Variants in DYNLT2 observed in about 807,000 individuals in gnomAD.
DYNLT2 encodes the protein dynein light chain Tctex-type 2, also known as dynein light chain Tctex-type protein 2.
A neutral mutation model predicts 24.3 loss-of-function variants in DYNLT2; 24 were observed. The ratio of observed to expected loss-of-function variants is 0.99; its 90% CI spans 0.71 to 1.39. DYNLT2 has a LOEUF of 1.39. Among genes scored for constraint, DYNLT2 ranks in the 40% most tolerant of loss-of-function variants. The pLI is 0.00. For synonymous variants in DYNLT2, 85 were observed against 85.4 expected (o/e 1.00, Z 0.03); for missense variants, 246 against 234.5 (o/e 1.05, Z -0.32).
rs1789744994 is a variant in DYNLT2, at chr6:169,744,264, A to C, written c.131T>G (p.Ile44Ser). 1 of 1,613,100 alleles carries C rather than the reference A, an allele frequency of 6.2e-7. No homozygotes were observed. The highest frequency in any genetic ancestry group is 1.1e-5 in the South Asian group (1 of 91,038). The change falls in exon 2 of 4, where the codon ATT (isoleucine) becomes AGT (serine). Residue 44 changes from isoleucine to serine, a missense_variant. Ile to Ser is a moderately radical substitution (Grantham distance 142). Coordinates refer to ENST00000366774, the MANE Select transcript of DYNLT2 (RefSeq NM_174910.3). ...SMFEKEAYTQ[I>S]LRERLRESIH... ...TGACTCTCTCAGTCTTTCTCTTAAA[A>C]TCTGTGTATACTGGAGGAGAAAGAG...
chr6:169,732,240 T>C, the DYNLT2 span, among the ~76,000 whole-genome samples: 1 of 152,342 alleles, frequency 6.6e-6, no homozygotes, highest in South Asian at 2.1e-4. Context: ...TGATATATAG[T>C]TGCCAGAAGG....
chr6:169,726,200 A>G, the DYNLT2 span, among the ~76,000 whole-genome samples: 1,991 of 152,358 alleles, frequency 0.013, 28 homozygotes, highest in Middle Eastern at 0.054. Context: ...AATATTAAGG[A>G]GACACTGTAT....
Position 169,743,077 on chromosome 6 carries a change from T to TA in DYNLT2, c.486+2dup, listed in dbSNP as rs1562996351. The TA allele has an allele frequency of 3.2e-6, 5 of 1,540,988 alleles. No homozygotes were observed. The highest frequency in any genetic ancestry group is 4.4e-6 in the Non-Finnish European group (5 of 1,135,486). ...CTAGATCCTGTATCAATGGGGTACTTACATTTATTGCTTGGCCAGTCTTTT... is the reference window on the plus strand; with the variant it reads ...CTAGATCCTGTATCAATGGGGTACTTAACATTTATTGCTTGGCCAGTCTTTT... On this transcript the variant is annotated splice_region_variant and intron_variant, in intron 3 of 3. Transcript: ENST00000366774.
At chr6:169,740,772 C>G (rs1252086402) in intron 3 of DYNLT2, among the ~76,000 whole-genome samples, 5 of 151,886 alleles carry the variant, frequency 3.3e-5, no homozygotes, top group African/African-American at 1.2e-4. Flanking sequence ...TGATCTGATT[C>G]CAGCCCACTT....
the DYNLT2 span, among the ~76,000 whole-genome samples, chr6:169,732,150 T>C: frequency 6.6e-6 from 1 of 152,184 alleles, no homozygotes; most frequent in South Asian, 2.1e-4. Flanking sequence ...ACAACTATCA[T>C]GTATATTCTC....
chr6:169,748,085 A>G (rs1287650621), intron 1 of DYNLT2, among the ~76,000 whole-genome samples: 1 of 152,150 alleles, frequency 6.6e-6, no homozygotes, highest in Non-Finnish European at 1.5e-5. Flanking sequence ...TCTGGTGGGA[A>G]CATGTCCAAG....
downstream of DYNLT2, among the ~76,000 whole-genome samples, chr6:169,735,669 C>A (rs1789546696): frequency 6.6e-6 from 1 of 152,072 alleles, no homozygotes; most frequent in Non-Finnish European, 1.5e-5. Context: ...GATTTCAGTT[C>A]TTTTGCATTT....
At chr6:169,726,503 C>G in the DYNLT2 span, among the ~76,000 whole-genome samples, 1 of 152,112 alleles carries the variant, frequency 6.6e-6, no homozygotes, top group Non-Finnish European at 1.5e-5. Context: ...ATCAATCGTT[C>G]CAGTTTGGCA....
chr6:169,731,374 GA>G, the DYNLT2 span, among the ~76,000 whole-genome samples: 1 of 152,164 alleles, frequency 6.6e-6, no homozygotes, highest in African/African-American at 2.4e-5. Flanking sequence ...TTGAGGCAAA[GA>G]CTGATACAAA....
chr6:169,736,261 C>T (rs12110573), downstream of DYNLT2, among the ~76,000 whole-genome samples: 1,223 of 151,982 alleles, frequency 8.0e-3, 19 homozygotes, highest in African/African-American at 0.028. Flanking sequence ...GGTGTTGACT[C>T]GTTATCCAAT....
At chr6:169,734,033 C>T in the DYNLT2 span, among the ~76,000 whole-genome samples, 3 of 152,022 alleles carry the variant, frequency 2.0e-5, no homozygotes, top group Admixed American at 1.3e-4. Context: ...GTATTTTATT[C>T]TCTTTGTAGT....
At chr6:169,738,922 A>G (rs1414227281), downstream of DYNLT2, 1 of 152,170 alleles carries the variant, frequency 6.6e-6, no homozygotes, top group Non-Finnish European at 1.5e-5. Context: ...TTCAGGCAGG[A>G]ATCATATTTC....
Position 169,740,123 on chromosome 6 carries a change from A to T in DYNLT2, c.*62T>A. On this transcript the variant is annotated 3_prime_UTR_variant, in exon 4 of 4. Coordinates refer to ENST00000366774, the MANE Select transcript of DYNLT2 (RefSeq NM_174910.3). ...CAGAAATATTATGAGGTTTACAAAT[A>T]TGTAAATTTCATTTATTTTTGAAAA... The T allele has an allele frequency of 9.4e-7, 1 of 1,069,256 alleles. No homozygotes were observed. The highest frequency in any genetic ancestry group is 1.4e-6 in the Non-Finnish European group (1 of 697,336). 66.2% of individuals were successfully genotyped at this position (1,069,256 alleles called of 1,614,324 possible).
intron 2 of DYNLT2, 125 bp downstream of exon 2, chr6:169,743,929 CACCAATGACACAAT>C: frequency 5.2e-6 from 4 of 768,168 alleles, no homozygotes; most frequent in Non-Finnish European, 8.3e-6. Context: ...GTTGTGCCTG[CACCAATGACACAAT>C]ACCTTCTGGT....
chr6:169,743,171 C>G lies in DYNLT2; in HGVS notation c.395G>C (p.Arg132Pro). 1 of 1,572,052 alleles carries G rather than the reference C, an allele frequency of 6.4e-7. No individual in the cohort carries two copies. The highest frequency in any genetic ancestry group is 8.7e-7 in the Non-Finnish European group (1 of 1,152,550). ...AAATTCTTTGACTGCTAACAGTATG[C>G]GGTCTGCCAATTCAAGTGACAAGTG... is the stretch of plus-strand genomic sequence containing the variant. The part of the protein sequence containing the change: ...FSHLSLELAD[R>P]ILLAVKEFGY... The change falls in exon 3 of 4, where the codon CGC becomes CCC. Residue 132 changes from arginine to proline, a missense_variant. Transcript: ENST00000366774.
chr6:169,739,087 T>G (rs1789621022), downstream of DYNLT2: 1 of 152,120 alleles, frequency 6.6e-6, no homozygotes, highest in South Asian at 2.1e-4. Context: ...TTGTTTTCAG[T>G]TCTGGTTGTA....
At chr6:169,733,146 T>C in the DYNLT2 span, among the ~76,000 whole-genome samples, 1 of 152,114 alleles carries the variant, frequency 6.6e-6, no homozygotes, top group East Asian at 1.9e-4. Flanking sequence ...TTTTTTTTCT[T>C]GTAAATATGT....
chr6:169,735,245 T>A (rs542332527), downstream of DYNLT2, among the ~76,000 whole-genome samples: 1 of 152,282 alleles, frequency 6.6e-6, no homozygotes, highest in Admixed American at 6.5e-5. Context: ...GCTCCTGGAT[T>A]CATGGATTTT....
chr6:169,743,076 T>A lies in DYNLT2; in HGVS notation c.486+4A>T. Reference sequence around the variant, plus strand: ...GCTAGATCCTGTATCAATGGGGTACTTACATTTATTGCTTGGCCAGTCTTT... The same window carrying A: ...GCTAGATCCTGTATCAATGGGGTACATACATTTATTGCTTGGCCAGTCTTT... On this transcript the variant is annotated splice_donor_region_variant and intron_variant, in intron 3 of 3. Coordinates refer to ENST00000366774, the MANE Select transcript of DYNLT2 (RefSeq NM_174910.3). 2.6e-6 allele frequency: 4 copies of A among 1,540,664 alleles called. No individual in the cohort carries two copies. Among genetic ancestry groups the A allele is most frequent in the Non-Finnish European group, 3.5e-6 (4 of 1,135,320 alleles).
Sources: gnomAD v4.1 joint callset for allele counts (sites outside exome capture counted in the v4.1 genomes callset) on GRCh38, gnomAD v4.1.1 for gene constraint, MANE v1.5 for transcripts, NCBI Gene and HGNC (gene_info 2026-07-23, HGNC 2026-07-21) for gene names.